The following FOXM1 variants were observed in gnomAD, a reference collection of about 807,000 sequenced individuals.
FOXM1 encodes forkhead box protein M1.
FOXM1 carries 25 observed loss-of-function variants against 63.6 expected under a neutral mutation model. The ratio of observed to expected loss-of-function variants is 0.39; its 90% CI spans 0.29 to 0.55. FOXM1 has a LOEUF of 0.55. FOXM1 is among the 20% of genes least tolerant of loss of function. The probability of loss-of-function intolerance (pLI) is 0.60; values close to 1 mark genes in which losing one functional copy is unlikely to be tolerated. For missense variants in FOXM1, 879 were observed against 958.7 expected (o/e 0.92, Z 1.10); for synonymous variants, 387 against 376.9 (o/e 1.03, Z -0.31).
At chr12:2,861,498 A>C (rs1364539701) in intron 8 of FOXM1, 2 of 431,676 alleles carry the variant, frequency 4.6e-6, no homozygotes, top group Non-Finnish European at 8.0e-6. Context: ...AGATTGGCAG[A>C]TATTAAACAG....
chr12:2,873,933 G>A (rs1010979942), intron 2 of FOXM1, 44 bp downstream of exon 2: 12 of 1,572,054 alleles, frequency 7.6e-6, no homozygotes, highest in Middle Eastern at 1.9e-4. Context: ...CACTACAGAG[G>A]AAAGGCTGGG....
At position 2,861,397 on chromosome 12, in the gene FOXM1, C is replaced by A. The variant is rs757422618; in HGVS notation, c.1267-1734G>T. On this transcript the variant is annotated intron_variant, in intron 8 of 8. Coordinates refer to ENST00000359843, the MANE Select transcript of FOXM1 (RefSeq NM_021953.4). ...AACTTACTCATGTAACCAAACACCACCTGTTCCCCAAAAACCTATGGAAAT... is the reference window on the plus strand; with the variant it reads ...AACTTACTCATGTAACCAAACACCAACTGTTCCCCAAAAACCTATGGAAAT... 9.1e-5 allele frequency: 59 copies of A among 647,004 alleles called. No homozygotes were observed. In the Admixed American group the frequency reaches 1.6e-3, roughly 17 times the overall value. 40.1% of individuals were successfully genotyped at this position (647,004 alleles called of 1,614,324 possible). A position where few individuals can be genotyped will look rare whatever the true frequency, so the allele number is the denominator to read the frequency against.
chr12:2,864,137 A>G lies in FOXM1; in HGVS notation c.1266+183T>C, dbSNP rs141718748. 180 of 602,674 alleles carry G rather than the reference A, an allele frequency of 3.0e-4. No individual in the cohort carries two copies. Among genetic ancestry groups the G allele is most frequent in the Middle Eastern group, 9.4e-4 (2 of 2,134 alleles). The allele number at this position is 602,674 out of a possible 1,614,324, so 37.3% of individuals were successfully genotyped here. A position where few individuals can be genotyped will look rare whatever the true frequency, so the allele number is the denominator to read the frequency against. On this transcript the variant is annotated intron_variant, in intron 8 of 8. Transcript: ENST00000359843. The surrounding 1 kb of genome is among the most constrained non-coding windows in gnomAD (Gnocchi z 5.1). ...TTATGGGCCTTCTGACACCACTTACATTGTAATCCAAATACCTTTTTAGCT... is the reference window on the plus strand; with the variant it reads ...TTATGGGCCTTCTGACACCACTTACGTTGTAATCCAAATACCTTTTTAGCT...
At position 2,864,195 on chromosome 12, in the gene FOXM1, A is replaced by T; in HGVS notation, c.1266+125T>A. On this transcript the variant is annotated intron_variant, in intron 8 of 8. Coordinates refer to ENST00000359843, the MANE Select transcript of FOXM1 (RefSeq NM_021953.4). This position sits in a 1 kb window ranked among gnomAD's most constrained non-coding sequence, Gnocchi z 5.1. ...TGCTATTACACTTCCCTATGTTTTT[A>T]TGCCTTTTCTACCCAACTAGATTTA... 2.4e-6 allele frequency: 2 copies of T among 825,146 alleles called. No individual in the cohort carries two copies. The highest frequency in any genetic ancestry group is 3.9e-6 in the Non-Finnish European group (2 of 517,470). The allele number at this position is 825,146 out of a possible 1,614,324, so 51.1% of individuals were successfully genotyped here. A position where few individuals can be genotyped will look rare whatever the true frequency, so the allele number is the denominator to read the frequency against.
intron 6 of FOXM1, among the ~76,000 whole-genome samples, chr12:2,865,101 G>A (rs28990711): frequency 0.017 from 2,514 of 152,266 alleles, 59 homozygotes; most frequent in African/African-American, 0.057. Flanking sequence ...GGTGCCATGC[G>A]CTTGTGGCTG....
chr12:2,864,517 C>T lies in FOXM1; in HGVS notation c.1091-22G>A. 1 of 1,605,566 alleles carries T rather than the reference C, an allele frequency of 6.2e-7. No individual in the cohort carries two copies. The highest frequency in any genetic ancestry group is 1.3e-5 in the African/African-American group (1 of 74,864). On this transcript the variant is annotated intron_variant, in intron 7 of 8. Transcript: ENST00000359843. The surrounding 1 kb of genome is among the most constrained non-coding windows in gnomAD (Gnocchi z 5.1). ...CGCCCTAGGAGGAAACACGAGAGAT[C>T]AGGAGCAGGGGGACTGGAGTACACC...
Position 2,864,404 on chromosome 12 carries a change from C to G in FOXM1, c.1182G>C (p.Ser394=), listed in dbSNP as rs28990714. The change falls in exon 8 of 9, where the codon TCG becomes TCC. Residue 394 remains serine (S), a synonymous_variant. Coordinates refer to ENST00000359843, the MANE Select transcript of FOXM1 (RefSeq NM_021953.4). This position sits in a 1 kb window ranked among gnomAD's most constrained non-coding sequence, Gnocchi z 5.1. ...CCGCCAGGGGCAATGGCACCTTCAC[C>G]GAGGGCTGCAACACCAGTGACTGGT... is the stretch of plus-strand genomic sequence containing the variant. The part of the protein sequence containing the change: ...PVNQSLVLQP[S]VKVPLPLAAS... 6.1e-3 allele frequency: 9,856 copies of G among 1,614,148 alleles called. 48 individuals carry two copies. Among genetic ancestry groups the G allele is most frequent in the Non-Finnish European group, 6.5e-3 (7,615 of 1,180,020 alleles).
rs1253500686 is a variant in FOXM1 at position 2,864,938 on chromosome 12, T to G, written c.1021-186A>C. 3.1e-6 allele frequency: 2 copies of G among 648,564 alleles called. No homozygotes were observed. Among genetic ancestry groups the G allele is most frequent in the Non-Finnish European group, 5.5e-6 (2 of 362,706 alleles). The allele number at this position is 648,564 out of a possible 1,614,324, so 40.2% of individuals were successfully genotyped here. The stretch of plus-strand genomic sequence containing the variant: ...TCCAAAACTGTGATGAGTGGGCAGG[T>G]GGGTGGCCTACAGACACATGATGGC... On this transcript the variant is annotated intron_variant, in intron 6 of 8. Transcript: ENST00000359843. This position sits in a 1 kb window ranked among gnomAD's most constrained non-coding sequence, Gnocchi z 5.1.
chr12:2,866,879 G>A (rs995105498), intron 4 of FOXM1, among the ~76,000 whole-genome samples: 4 of 152,240 alleles, frequency 2.6e-5, no homozygotes, highest in African/African-American at 9.6e-5. Flanking sequence ...TAGGCCCGGC[G>A]TGGTGGCTCA....
chr12:2,858,092 C>T lies in FOXM1; in HGVS notation c.*546G>A, dbSNP rs546192008. 2.0e-5 allele frequency: 3 copies of T among 153,058 alleles called. No homozygotes were observed. The highest frequency in any genetic ancestry group is 3.4e-3 in the Middle Eastern group (1 of 296). 9.5% of individuals were successfully genotyped at this position (153,058 alleles called of 1,614,324 possible). A position where few individuals can be genotyped will look rare whatever the true frequency, so the allele number is the denominator to read the frequency against. ...CAAGCAGATCCACTTGTCTGGGTCC[C>T]TGCAGTGAAGAACCCAAGATCCAGG... On this transcript the variant is annotated 3_prime_UTR_variant, in exon 9 of 9. Coordinates refer to ENST00000359843, the MANE Select transcript of FOXM1 (RefSeq NM_021953.4).
At chr12:2,870,107 C>T (rs773626744) in intron 3 of FOXM1, among the ~76,000 whole-genome samples, 4 of 151,696 alleles carry the variant, frequency 2.6e-5, no homozygotes, top group Non-Finnish European at 5.9e-5. Flanking sequence ...TCTCCTGCCT[C>T]AGCCTCCCGA....
chr12:2,864,700 T>G lies in FOXM1; in HGVS notation c.1073A>C (p.Glu358Ala). The G allele has an allele frequency of 6.2e-7, 1 of 1,614,046 alleles. No individual in the cohort carries two copies. The highest frequency in any genetic ancestry group is 8.5e-7 in the Non-Finnish European group (1 of 1,180,010). ...ATACTAACGTGCGCCCAGGGGGAGTTCGGTTTTGATGGTCATGTTCCGGCG... is the reference window on the plus strand; with the variant it reads ...ATACTAACGTGCGCCCAGGGGGAGTGCGGTTTTGATGGTCATGTTCCGGCG... ...ELRRNMTIKT[E>A]LPLGARRKMK... The change falls in exon 7 of 9, where the codon GAA (glutamate) becomes GCA (alanine). Residue 358 changes from glutamate to alanine, a missense_variant. Coordinates refer to ENST00000359843, the MANE Select transcript of FOXM1 (RefSeq NM_021953.4). The surrounding 1 kb of genome is among the most constrained non-coding windows in gnomAD (Gnocchi z 5.1).
rs1487569743 is a variant in FOXM1, at chr12:2,859,263, T to C, written c.1667A>G (p.Asp556Gly). The change falls in exon 9 of 9, where the codon GAT becomes GGT. Residue 556 changes from aspartate to glycine, a missense_variant. Asp to Gly is a moderately conservative substitution (Grantham distance 94, BLOSUM62 -1). Around this residue, in one of 4 missense-constraint regions of FOXM1, gnomAD observed 486 missense variants for 453.5 expected, o/e 1.07. Coordinates refer to ENST00000359843, the MANE Select transcript of FOXM1 (RefSeq NM_021953.4). ...RKQHLLPPCV[D>G]EPELLFSEGP... ...CTCTGAGAAGAGCAGCTCCGGCTCA[T>C]CCACACAGGGAGGCAGTAGATGCTG... is the stretch of plus-strand genomic sequence containing the variant. 4 of 1,613,574 alleles carry C rather than the reference T, an allele frequency of 2.5e-6. No homozygotes were observed. In the South Asian group the frequency reaches 3.3e-5, roughly 13 times the overall value.
At position 2,858,860 on chromosome 12, in the gene FOXM1, G is replaced by A; in HGVS notation, c.2070C>T (p.Gly690=). The A allele has an allele frequency of 1.2e-6, 2 of 1,614,144 alleles. No individual in the cohort carries two copies. The highest frequency in any genetic ancestry group is 1.7e-6 in the Non-Finnish European group (2 of 1,180,014). The part of the protein sequence containing the change: ...EPLDLISVPF[G]NSSPSDIDVP... ...CGTCTATATCTGAGGGAGAAGAGTT[G>A]CCAAAGGGGACGGAGATGAGGTCTA... is the stretch of plus-strand genomic sequence containing the variant. The change falls in exon 9 of 9, where the codon GGC becomes GGT. Residue 690 remains glycine (G), a synonymous_variant. Coordinates refer to ENST00000359843, the MANE Select transcript of FOXM1 (RefSeq NM_021953.4).
intron 8 of FOXM1, among the ~76,000 whole-genome samples, chr12:2,861,883 G>A (rs909428827): frequency 6.6e-6 from 1 of 152,140 alleles, no homozygotes; most frequent in African/African-American, 2.4e-5. Context: ...GCATTGTTGA[G>A]TTAGAGACAT....
rs1455776743 is a variant in FOXM1 at position 2,874,656 on chromosome 12, T to C, written c.-47-131A>G. ...AGGCCCAGGTAAACATTCCATGGAC[T>C]TTTGTAAAGACCTCAGATAATAAGG... On this transcript the variant is annotated intron_variant, in intron 1 of 8. Transcript: ENST00000359843. The surrounding 1 kb of genome is among the most constrained non-coding windows in gnomAD (Gnocchi z 4.3). 1.6e-6 allele frequency: 1 copy of C among 641,104 alleles called. No individual in the cohort carries two copies. Among genetic ancestry groups the C allele is most frequent in the Non-Finnish European group, 2.7e-6 (1 of 372,296 alleles). The allele number at this position is 641,104 out of a possible 1,614,324, so 39.7% of individuals were successfully genotyped here. A position where few individuals can be genotyped will look rare whatever the true frequency, so the allele number is the denominator to read the frequency against.
At position 2,864,364 on chromosome 12, in the gene FOXM1, A is replaced by C; in HGVS notation, c.1222T>G (p.Ser408Ala). Residue 408 changes from serine (S) to alanine (A), a missense_variant, in exon 8 of 9, where the codon TCA (serine) becomes GCA (alanine). Coordinates refer to ENST00000359843, the MANE Select transcript of FOXM1 (RefSeq NM_021953.4). The surrounding 1 kb of genome is among the most constrained non-coding windows in gnomAD (Gnocchi z 5.1). ...CGCTTGCTATGGCGGGCAAGCTCTGAGCTCATGAGGGAAGCCGCCAGGGGC... is the reference window on the plus strand; with the variant it reads ...CGCTTGCTATGGCGGGCAAGCTCTGCGCTCATGAGGGAAGCCGCCAGGGGC... ...PLPLAASLMS[S>A]ELARHSKRVR... is the part of the protein sequence containing the mutation. 2 of 1,613,856 alleles carry C rather than the reference A, an allele frequency of 1.2e-6. No individual in the cohort carries two copies. The highest frequency in any genetic ancestry group is 2.2e-5 in the South Asian group (2 of 91,068).
At chr12:2,861,028 C>T (rs1411467624) in intron 8 of FOXM1, among the ~76,000 whole-genome samples, 3 of 151,600 alleles carry the variant, frequency 2.0e-5, no homozygotes, top group Non-Finnish European at 4.4e-5. Flanking sequence ...ATTAGCTGGG[C>T]GCAGTGGTGG....
Position 2,859,095 on chromosome 12 carries a change from G to A in FOXM1, c.1835C>T (p.Pro612Leu), listed in dbSNP as rs1312502969. ...GGTTCTGGGGAGGACAGATTTGCTC[G>A]GGGTGGAGGAGATGGGCAGCGTTTC... ...IKETLPISST[P>L]SKSVLPRTPE... The change falls in exon 9 of 9, where the codon CCG becomes CTG. Residue 612 changes from proline to leucine, a missense_variant. Pro to Leu is a moderately conservative substitution (Grantham distance 98). Coordinates refer to ENST00000359843, the MANE Select transcript of FOXM1 (RefSeq NM_021953.4). 2.4e-5 allele frequency: 39 copies of A among 1,606,172 alleles called. No individual in the cohort carries two copies. Among genetic ancestry groups the A allele is most frequent in the African/African-American group, 2.7e-5 (2 of 74,704 alleles).
Sources: gnomAD v4.1 joint callset for allele counts (sites outside exome capture counted in the v4.1 genomes callset) on GRCh38, gnomAD v4.1.1 for gene constraint, gnomAD v4.1.1 regional missense constraint, Gnocchi (gnomAD v3.1) non-coding constraint, MANE v1.5 for transcripts, NCBI Gene and HGNC (gene_info 2026-07-23, HGNC 2026-07-21) for gene names.